The following CHSY3 variants were observed in gnomAD, a reference collection of about 807,000 sequenced individuals.
CHSY3 encodes the protein chondroitin sulfate synthase 3.
In CHSY3, 35 loss-of-function variants were observed where a neutral mutation model predicts 67.2. That is an observed-to-expected ratio of 0.52 (90% CI 0.40 to 0.69). The LOEUF (loss-of-function observed/expected upper bound fraction) is 0.69. Among genes scored for constraint, CHSY3 ranks in the 30% least tolerant of loss-of-function variants. CHSY3 has a pLI of 0.00. For synonymous variants in CHSY3, 474 were observed against 434.7 expected (o/e 1.09, Z -1.12); for missense variants, 1,069 against 1,138.5 (o/e 0.94, Z 0.88).
chr5:130,034,033 A>T (rs929998647), intron 2 of CHSY3, among the ~76,000 whole-genome samples: 1 of 152,154 alleles, frequency 6.6e-6, no homozygotes, highest in Non-Finnish European at 1.5e-5. Context: ...TGCGAATAAC[A>T]TCTTCTTAAA....
At position 130,103,435 on chromosome 5, in the gene CHSY3, T is replaced by C. The variant is rs1767313228; in HGVS notation, c.1087-80794T>C. Among the ~76,000 whole-genome samples, 3 of 152,222 alleles carry C rather than the reference T, an allele frequency of 2.0e-5. No homozygotes were observed. The East Asian group carries it at 5.8e-4, about 29-fold the overall frequency. ...ATGTATGACTGTTAAATGTGACTTA[T>C]AAAGTTGGCCTAAATGTTCTCTTTA... On this transcript the variant is annotated intron_variant, in intron 2 of 2. Coordinates refer to ENST00000305031, the MANE Select transcript of CHSY3 (RefSeq NM_175856.5).
At chr5:130,026,825 T>C (rs1240424576) in intron 2 of CHSY3, among the ~76,000 whole-genome samples, 1 of 152,182 alleles carries the variant, frequency 6.6e-6, no homozygotes, top group Non-Finnish European at 1.5e-5. Flanking sequence ...TTTTATTCTG[T>C]TACCACATTT....
chr5:130,076,056 G>C (rs1035956122), intron 2 of CHSY3, among the ~76,000 whole-genome samples: 4 of 152,000 alleles, frequency 2.6e-5, no homozygotes, highest in African/African-American at 9.7e-5. Context: ...CTTATCTATT[G>C]CCTTTCTGGT....
intron 2 of CHSY3, among the ~76,000 whole-genome samples, chr5:130,168,917 G>A (rs951907275): frequency 4.6e-5 from 7 of 151,980 alleles, no homozygotes; most frequent in African/African-American, 1.7e-4. Context: ...GACCATTTTT[G>A]TTGTTGTTGT....
chr5:130,180,430 A>G (rs1770209174), intron 2 of CHSY3, among the ~76,000 whole-genome samples: 1 of 152,222 alleles, frequency 6.6e-6, no homozygotes, highest in Admixed American at 6.5e-5. Context: ...AAATTTATAC[A>G]GTTATACAAT....
intron 2 of CHSY3, among the ~76,000 whole-genome samples, chr5:130,183,947 G>T (rs1240332973): frequency 3.4e-5 from 5 of 148,548 alleles, no homozygotes; most frequent in Non-Finnish European, 7.5e-5. Context: ...ACATCAATTA[G>T]CTAGATTTAC....
chr5:130,096,917 T>A (rs1561535329), intron 2 of CHSY3, among the ~76,000 whole-genome samples: 2 of 152,208 alleles, frequency 1.3e-5, no homozygotes, highest in Non-Finnish European at 2.9e-5. Context: ...AACATTTTAT[T>A]GCTCTGACTC....
chr5:130,014,955 T>C (rs1284832814), intron 2 of CHSY3, among the ~76,000 whole-genome samples: 1 of 152,136 alleles, frequency 6.6e-6, no homozygotes, highest in African/African-American at 2.4e-5. Flanking sequence ...TTGCAAACCA[T>C]ACATCTGACA....
At position 130,159,789 on chromosome 5, in the gene CHSY3, G is replaced by A. The variant is rs114724255; in HGVS notation, c.1087-24440G>A. On this transcript the variant is annotated intron_variant, in intron 2 of 2. Transcript: ENST00000305031. ...GTAATAATTTAAAGGGCAAGAGCAA[G>A]GATCAGCATCAGTGATCACTGTAAA... is the stretch of plus-strand genomic sequence containing the variant. 4.9e-3 allele frequency among the ~76,000 whole-genome samples: 750 copies of A among 152,276 alleles called. 2 individuals carry two copies. The highest frequency in any genetic ancestry group is 8.5e-3 in the Non-Finnish European group (575 of 68,018).
chr5:130,185,210 C>T lies in CHSY3; in HGVS notation c.2068C>T (p.Pro690Ser), dbSNP rs1285038566. The change falls in exon 3 of 3, where the codon CCA (proline) becomes TCA (serine). Residue 690 changes from proline to serine, a missense_variant. Physicochemically the swap from Pro to Ser is moderately conservative, Grantham distance 74. Transcript: ENST00000305031. ...KYPKAEMTLI[P>S]MKGEFSRGLG... The stretch of plus-strand genomic sequence containing the variant: ...CCCCAAAGCAGAAATGACCCTGATC[C>T]CAATGAAGGGAGAGTTTTCCAGAGG... The T allele has an allele frequency of 3.7e-6, 6 of 1,609,384 alleles. No individual in the cohort carries two copies. Among genetic ancestry groups the T allele is most frequent in the Admixed American group, 1.7e-5 (1 of 59,982 alleles).
chr5:130,079,910 C>T (rs1255155728), intron 2 of CHSY3, among the ~76,000 whole-genome samples: 1 of 151,966 alleles, frequency 6.6e-6, no homozygotes, highest in Non-Finnish European at 1.5e-5. Flanking sequence ...TCTCTGGCTA[C>T]CTTCTAATGA....
chr5:129,909,797 T>G (rs1426899871), intron 2 of CHSY3, among the ~76,000 whole-genome samples: 1 of 152,022 alleles, frequency 6.6e-6, no homozygotes, highest in East Asian at 1.9e-4. Context: ...TGTTATTGTT[T>G]TGCAGGTATT....
intron 2 of CHSY3, among the ~76,000 whole-genome samples, chr5:130,162,558 G>A (rs1769588848): frequency 6.6e-6 from 1 of 152,004 alleles, no homozygotes; most frequent in Non-Finnish European, 1.5e-5. Flanking sequence ...TTTAAGAAAC[G>A]GGGTCTTGTT....
intron 2 of CHSY3, among the ~76,000 whole-genome samples, chr5:129,990,083 A>AT (rs917956397): frequency 1.3e-5 from 2 of 151,304 alleles, no homozygotes; most frequent in African/African-American, 2.4e-5. Context: ...TCCCTTTTGA[A>AT]TTTTTTTTTC....
At chr5:129,977,524 T>C (rs1410564144) in intron 2 of CHSY3, among the ~76,000 whole-genome samples, 1 of 152,218 alleles carries the variant, frequency 6.6e-6, no homozygotes. Context: ...ATCTGTAAGA[T>C]GGTTTTTAAG....
At chr5:130,133,867 A>G (rs769012242) in intron 2 of CHSY3, among the ~76,000 whole-genome samples, 4 of 151,522 alleles carry the variant, frequency 2.6e-5, no homozygotes, top group Non-Finnish European at 5.9e-5. Flanking sequence ...TTGCTCCCAA[A>G]CATACATTCC....
chr5:130,086,641 C>T (rs1410553538), intron 2 of CHSY3, among the ~76,000 whole-genome samples: 1 of 152,084 alleles, frequency 6.6e-6, no homozygotes, highest in African/African-American at 2.4e-5. Flanking sequence ...TTCCTCGACA[C>T]ATACACCCTC....
rs1429204013 is a variant in CHSY3, at chr5:130,103,655, T to G, written c.1087-80574T>G. Reference sequence around the variant, plus strand: ...TATGTGTATACATGTATGAATTATCTGTTAACTGACAATGAAATGTTTTTC... The same window carrying G: ...TATGTGTATACATGTATGAATTATCGGTTAACTGACAATGAAATGTTTTTC... On this transcript the variant is annotated intron_variant, in intron 2 of 2. Transcript: ENST00000305031. 2.0e-5 allele frequency among the ~76,000 whole-genome samples: 3 copies of G among 152,114 alleles called. No individual in the cohort carries two copies. The East Asian group carries it at 5.8e-4, about 29-fold the overall frequency.
chr5:129,937,219 C>A (rs1030984790), intron 2 of CHSY3, among the ~76,000 whole-genome samples: 2 of 152,122 alleles, frequency 1.3e-5, no homozygotes, highest in South Asian at 2.1e-4. Flanking sequence ...TTCTGCAGAG[C>A]CCTCAGGAAA....
Sources: gnomAD v4.1 joint callset for allele counts (sites outside exome capture counted in the v4.1 genomes callset) on GRCh38, gnomAD v4.1.1 for gene constraint, MANE v1.5 for transcripts, NCBI Gene and HGNC (gene_info 2026-07-23, HGNC 2026-07-21) for gene names.